The following GALNT1 variants were observed in gnomAD, a reference collection of about 807,000 sequenced individuals.
GALNT1 encodes polypeptide N-acetylgalactosaminyltransferase 1, also known as GalNAc transferase 1.
Under a neutral mutation model 65.7 loss-of-function variants are expected in GALNT1, and 17 were observed. The ratio of observed to expected loss-of-function variants is 0.26; its 90% CI spans 0.18 to 0.39. GALNT1 has a LOEUF of 0.39. GALNT1 is among the 10% of genes least tolerant of loss of function. GALNT1 has a pLI of 1.00. For missense variants in GALNT1, 460 were observed against 672.8 expected (o/e 0.68, Z 3.50); for synonymous variants, 210 against 219.7 (o/e 0.96, Z 0.39).
At chr18:35,703,405 T>G (rs1028016604) in intron 10 of GALNT1, 104 bp from the exon 11 acceptor site, 1 of 1,060,878 alleles carries the variant, frequency 9.4e-7, no homozygotes, top group African/African-American at 1.6e-5. Flanking sequence ...AGTACATAAA[T>G]CATGTACCTT....
At chr18:35,664,203 A>T in intron 3 of GALNT1, 1 of 170,458 alleles carries the variant, frequency 5.9e-6, no homozygotes. Flanking sequence ...CCAAATCAAG[A>T]CATAGAATGA....
intron 2 of GALNT1, among the ~76,000 whole-genome samples, chr18:35,660,895 G>A (rs1461781864): frequency 2.0e-5 from 3 of 152,102 alleles, no homozygotes; most frequent in African/African-American, 7.2e-5. Context: ...AATTTTAAAT[G>A]TGGCTCTGAA....
intron 3 of GALNT1, among the ~76,000 whole-genome samples, chr18:35,676,072 A>G (rs2047706085): frequency 6.6e-6 from 1 of 152,290 alleles, no homozygotes; most frequent in East Asian, 1.9e-4. Flanking sequence ...TTCCCCCTCT[A>G]GCCTAGTCTT....
At chr18:35,655,386 TATAAA>T (rs1467680834) in intron 2 of GALNT1, among the ~76,000 whole-genome samples, 1 of 151,302 alleles carries the variant, frequency 6.6e-6, no homozygotes, top group African/African-American at 2.4e-5. Flanking sequence ...AATATACAAA[TATAAA>T]GGAGGGAGGT....
At chr18:35,690,356 A>T (rs925160071) in intron 7 of GALNT1, among the ~76,000 whole-genome samples, 5 of 152,160 alleles carry the variant, frequency 3.3e-5, no homozygotes, top group Non-Finnish European at 5.9e-5. Flanking sequence ...GGGTGAACAG[A>T]TGAGCATCTG....
chr18:35,636,363 A>G (rs755388987), intron 1 of GALNT1, among the ~76,000 whole-genome samples: 1 of 152,206 alleles, frequency 6.6e-6, no homozygotes, highest in African/African-American at 2.4e-5. Flanking sequence ...GACCAGAGGG[A>G]AAGACTGTCT....
chr18:35,707,453 AAGCCACAAGGCTCTGTGCCTGCTGTCAGC>A (rs1162070200), intron 11 of GALNT1, among the ~76,000 whole-genome samples: 1 of 152,178 alleles, frequency 6.6e-6, no homozygotes, highest in Non-Finnish European at 1.5e-5. Context: ...ACAAGGTTCC[AAGCCACAAGGCTCTGTGCCTGCTGTCAGC>A]AGCCAGAGTT....
At chr18:35,708,249 A>G (rs1176026600) in intron 11 of GALNT1, among the ~76,000 whole-genome samples, 1 of 151,800 alleles carries the variant, frequency 6.6e-6, no homozygotes, top group Non-Finnish European at 1.5e-5. Context: ...TTAAAAAAAG[A>G]AAAAAAAATT....
chr18:35,615,858 C>G, intron 1 of GALNT1, among the ~76,000 whole-genome samples: 2 of 152,214 alleles, frequency 1.3e-5, no homozygotes, highest in East Asian at 3.8e-4. Flanking sequence ...GTCAAGTATA[C>G]CACTGCACTA....
Position 35,663,986 on chromosome 18 carries a change from G to A in GALNT1, c.314+184G>A. On this transcript the variant is annotated intron_variant, in intron 3 of 11. Transcript: ENST00000269195. The stretch of plus-strand genomic sequence containing the variant: ...TATCTCAAGCTTCTACTGATTATTA[G>A]CACTATGTATTTCAGGCATTGGAAG... The A allele has an allele frequency of 1.1e-5, 6 of 548,042 alleles. No homozygotes were observed. In the South Asian group the frequency reaches 1.3e-4, roughly 12 times the overall value. The allele number at this position is 548,042 out of a possible 1,614,324, so 33.9% of individuals were successfully genotyped here.
At chr18:35,587,045 AT>A in intron 1 of GALNT1, among the ~76,000 whole-genome samples, 1 of 152,144 alleles carries the variant, frequency 6.6e-6, no homozygotes, top group Non-Finnish European at 1.5e-5. Context: ...AGTCCTGTAC[AT>A]ATGTTTTGTT....
chr18:35,647,489 A>G (rs1791206810), intron 1 of GALNT1, among the ~76,000 whole-genome samples: 1 of 152,224 alleles, frequency 6.6e-6, no homozygotes, highest in African/African-American at 2.4e-5. Flanking sequence ...AGCAAATAGA[A>G]TATAAAATTA....
intron 7 of GALNT1, among the ~76,000 whole-genome samples, chr18:35,689,686 T>A (rs964215693): frequency 1.3e-5 from 2 of 152,108 alleles, no homozygotes; most frequent in Admixed American, 6.5e-5. Context: ...AGTGTGAAAA[T>A]TTTTTTTATA....
chr18:35,666,577 C>A (rs1240624479), intron 3 of GALNT1, among the ~76,000 whole-genome samples: 1 of 152,150 alleles, frequency 6.6e-6, no homozygotes, highest in East Asian at 1.9e-4. Flanking sequence ...AAGTATATCA[C>A]CACTCTTAAC....
chr18:35,644,007 C>G (rs941838386), intron 1 of GALNT1, among the ~76,000 whole-genome samples: 1 of 152,124 alleles, frequency 6.6e-6, no homozygotes, highest in Non-Finnish European at 1.5e-5. Context: ...AGTTTGTCAT[C>G]TTAAAAACTG....
intron 1 of GALNT1, chr18:35,596,740 A>G (rs967457651): frequency 6.6e-6 from 1 of 152,238 alleles, no homozygotes; most frequent in Admixed American, 6.5e-5. Flanking sequence ...CTCTAGGGGA[A>G]GTCTCCATAC....
At position 35,687,010 on chromosome 18, in the gene GALNT1, C is replaced by T; in HGVS notation, c.690-6C>T. The T allele has an allele frequency of 6.2e-7, 1 of 1,603,612 alleles. No individual in the cohort carries two copies. Among genetic ancestry groups the T allele is most frequent in the Non-Finnish European group, 8.5e-7 (1 of 1,175,578 alleles). On this transcript the variant is annotated splice_region_variant and splice_polypyrimidine_tract_variant and intron_variant, in intron 5 of 11. Coordinates refer to ENST00000269195, the MANE Select transcript of GALNT1 (RefSeq NM_020474.4). ...AAGATTTCTTAACTTGCTTTTATGA[C>T]ATCAGGAGAACAGTGGTGTGTCCCA...
intron 1 of GALNT1, among the ~76,000 whole-genome samples, chr18:35,619,977 T>G (rs565355679): frequency 8.5e-5 from 13 of 152,320 alleles, no homozygotes; most frequent in Non-Finnish European, 1.9e-4. Flanking sequence ...ATTTTTCTAT[T>G]TTGACCGATT....
intron 1 of GALNT1, among the ~76,000 whole-genome samples, chr18:35,600,175 A>G (rs1228497683): frequency 2.6e-5 from 4 of 152,118 alleles, no homozygotes; most frequent in African/African-American, 9.7e-5. Flanking sequence ...CCCATTTTTA[A>G]AATGTCCTCT....
Sources: allele counts gnomAD v4.1 joint callset (sites outside exome capture counted in the v4.1 genomes callset), GRCh38; gene constraint gnomAD v4.1.1; transcripts MANE v1.5; gene names NCBI Gene and HGNC (gene_info 2026-07-23, HGNC 2026-07-21).